Variants in TRPC7 observed in about 807,000 individuals in gnomAD.
TRPC7 encodes the protein short transient receptor potential channel 7.
In TRPC7, 42 loss-of-function variants were observed where a neutral mutation model predicts 90.1. That is an observed-to-expected ratio of 0.47 (90% CI 0.36 to 0.60). TRPC7 has a LOEUF of 0.60. Ranked by LOEUF, TRPC7 falls within the 20% of genes least tolerant of loss-of-function variation. The pLI is 0.00. For missense variants in TRPC7, 955 were observed against 1,112.3 expected (o/e 0.86, Z 2.01); for synonymous variants, 451 against 436.3 (o/e 1.03, Z -0.42).
chr5:136,216,385 G>T (rs1401335970), intron 10 of TRPC7, 110 bp from the exon 11 acceptor site: 1 of 835,508 alleles, frequency 1.2e-6, no homozygotes, highest in Non-Finnish European at 2.0e-6. Flanking sequence ...CAACCATGGC[G>T]ACCCTCCCAT....
At chr5:136,337,809 C>T (rs1388412387) in intron 2 of TRPC7, among the ~76,000 whole-genome samples, 1 of 152,126 alleles carries the variant, frequency 6.6e-6, no homozygotes, top group East Asian at 1.9e-4. Flanking sequence ...ATCAGAAAGA[C>T]TCTTGGTCCA....
At chr5:136,304,014 C>T (rs1397787296) in intron 3 of TRPC7, among the ~76,000 whole-genome samples, 1 of 152,010 alleles carries the variant, frequency 6.6e-6, no homozygotes, top group Non-Finnish European at 1.5e-5. Flanking sequence ...CCAACTTAGA[C>T]AATACTCTTT....
rs192914830 is a variant in TRPC7, at chr5:136,357,440, G to A, written c.3-55C>T. 29 of 1,505,662 alleles carry A rather than the reference G, an allele frequency of 1.9e-5. No homozygotes were observed. In the East Asian group the frequency reaches 5.5e-4, roughly 28 times the overall value. The allele number at this position is 1,505,662 out of a possible 1,614,324, so 93.3% of individuals were successfully genotyped here. ...CTTTCCTGCGGATTCCCTAGCAGTA[G>A]AGCACACAAAAATGGTTGAGATACA... On this transcript the variant is annotated intron_variant, in intron 1 of 11. Coordinates refer to ENST00000513104, the MANE Select transcript of TRPC7 (RefSeq NM_020389.3).
chr5:136,259,470 C>T (rs146769493), intron 5 of TRPC7, among the ~76,000 whole-genome samples: 147 of 152,316 alleles, frequency 9.7e-4, no homozygotes, highest in African/African-American at 3.3e-3. Context: ...GCATTTTAGA[C>T]GTATTTTACT....
intron 4 of TRPC7, among the ~76,000 whole-genome samples, chr5:136,273,140 G>A (rs1477167728): frequency 1.3e-5 from 2 of 152,064 alleles, no homozygotes; most frequent in African/African-American, 2.4e-5. Flanking sequence ...TTTAATGATC[G>A]AACAGCCTAG....
chr5:136,350,218 C>T (rs1258212051), intron 2 of TRPC7, among the ~76,000 whole-genome samples: 3 of 152,296 alleles, frequency 2.0e-5, no homozygotes, highest in South Asian at 4.1e-4. Context: ...AAACTACCTT[C>T]CAATAGATGC....
At chr5:136,288,475 T>C (rs933049968) in intron 3 of TRPC7, among the ~76,000 whole-genome samples, 3 of 141,166 alleles carry the variant, frequency 2.1e-5, no homozygotes, top group Non-Finnish European at 3.1e-5. Context: ...GCCACCGAGA[T>C]GATACACACC....
At chr5:136,302,882 C>T (rs920045224) in intron 3 of TRPC7, among the ~76,000 whole-genome samples, 5 of 152,062 alleles carry the variant, frequency 3.3e-5, no homozygotes, top group Non-Finnish European at 7.4e-5. Context: ...CCTTCTTTCC[C>T]TCCCACATGT....
intron 5 of TRPC7, among the ~76,000 whole-genome samples, chr5:136,262,195 A>T (rs1169019370): frequency 6.6e-6 from 1 of 152,172 alleles, no homozygotes; most frequent in Admixed American, 6.5e-5. Context: ...TATTCTCTAC[A>T]TAGCAGTCAG....
chr5:136,274,169 CTGTG>C (rs1757289361), intron 4 of TRPC7, among the ~76,000 whole-genome samples: 1 of 152,208 alleles, frequency 6.6e-6, no homozygotes, highest in Non-Finnish European at 1.5e-5. Context: ...CCAGCATGAG[CTGTG>C]TTTGACTCCC....
chr5:136,299,333 GT>G (rs1758294135), intron 3 of TRPC7, among the ~76,000 whole-genome samples: 4 of 94,926 alleles, frequency 4.2e-5, no homozygotes, highest in Non-Finnish European at 6.4e-5. Context: ...TCTGACTGGG[GT>G]GTGTGCGTGT....
At chr5:136,241,057 G>A (rs1756147907) in intron 7 of TRPC7, among the ~76,000 whole-genome samples, 1 of 152,114 alleles carries the variant, frequency 6.6e-6, no homozygotes, top group Admixed American at 6.5e-5. Flanking sequence ...TCCCATAGCT[G>A]GAAGGGGAAT....
intron 2 of TRPC7, among the ~76,000 whole-genome samples, chr5:136,328,976 G>A (rs984239876): frequency 6.6e-6 from 1 of 152,334 alleles, no homozygotes; most frequent in South Asian, 2.1e-4. Context: ...GCGCCTGGAC[G>A]CTGAACACTG....
chr5:136,246,249 G>A (rs1001086327), intron 7 of TRPC7, among the ~76,000 whole-genome samples: 7 of 152,210 alleles, frequency 4.6e-5, no homozygotes, highest in Admixed American at 2.0e-4. Flanking sequence ...AGAGGCACAT[G>A]ATGCTGCAGG....
chr5:136,335,690 T>G lies in TRPC7; in HGVS notation c.781-19911A>C, dbSNP rs1035241254. Among the ~76,000 whole-genome samples, 2 of 151,112 alleles carry G rather than the reference T, an allele frequency of 1.3e-5. 1 individual carries two copies. The highest frequency in any genetic ancestry group is 2.9e-5 in the Non-Finnish European group (2 of 67,820). On this transcript the variant is annotated intron_variant, in intron 2 of 11. Coordinates refer to ENST00000513104, the MANE Select transcript of TRPC7 (RefSeq NM_020389.3). ...AGGCCGAGACGGGCAGATCACGAGGTCAGGAGATCGAGACCATCCTGGATA... is the reference window on the plus strand; with the variant it reads ...AGGCCGAGACGGGCAGATCACGAGGGCAGGAGATCGAGACCATCCTGGATA...
chr5:136,356,689 C>G lies in TRPC7; in HGVS notation c.699G>C (p.Leu233=), dbSNP rs1228847856. 1.9e-6 allele frequency: 3 copies of G among 1,606,922 alleles called. No homozygotes were observed. Among genetic ancestry groups the G allele is most frequent in the South Asian group, 1.1e-5 (1 of 90,340 alleles). ...CGGTGAGGACAGGGTCTTCGCTGGA[C>G]AGGGACAAGTAGGCAGCACTCGCCA... ...KGLASAAYLS[L]SSEDPVLTAL... Residue 233 remains leucine (L), a synonymous_variant, in exon 2 of 12, where the codon CTG becomes CTC. Coordinates refer to ENST00000513104, the MANE Select transcript of TRPC7 (RefSeq NM_020389.3).
chr5:136,346,438 G>A (rs1188752754), intron 2 of TRPC7, among the ~76,000 whole-genome samples: 1 of 151,830 alleles, frequency 6.6e-6, no homozygotes, highest in Non-Finnish European at 1.5e-5. Context: ...TTCCTCTCTC[G>A]GCTGCCCTCC....
intron 4 of TRPC7, among the ~76,000 whole-genome samples, chr5:136,266,706 A>G (rs992067930): frequency 3.3e-5 from 5 of 152,214 alleles, no homozygotes; most frequent in Non-Finnish European, 5.9e-5. Flanking sequence ...ATCATGCTAC[A>G]TCTGATTGCA....
chr5:136,343,436 A>C (rs1233103627), intron 2 of TRPC7, among the ~76,000 whole-genome samples: 1 of 152,166 alleles, frequency 6.6e-6, no homozygotes, highest in Non-Finnish European at 1.5e-5. Flanking sequence ...AATAGGAAAT[A>C]AGATCCTTAA....
Sources: allele counts gnomAD v4.1 joint callset (sites outside exome capture counted in the v4.1 genomes callset), GRCh38; gene constraint gnomAD v4.1.1; transcripts MANE v1.5; gene names NCBI Gene and HGNC (gene_info 2026-07-23, HGNC 2026-07-21).